Variants in MLLT10 observed in about 807,000 individuals in gnomAD.
MLLT10 encodes the protein MLLT10 histone lysine methyltransferase DOT1L cofactor, also known as protein AF-10.
A neutral mutation model predicts 129.1 loss-of-function variants in MLLT10; 30 were observed. The ratio of observed to expected loss-of-function variants is 0.23; its 90% CI spans 0.17 to 0.32. The LOEUF (loss-of-function observed/expected upper bound fraction) is 0.32, where lower values mean the gene tolerates loss of function less well. Ranked by LOEUF, MLLT10 falls within the 10% of genes least tolerant of loss-of-function variation. The pLI is 1.00. For synonymous variants in MLLT10, 490 were observed against 446.4 expected (o/e 1.10, Z -1.23); for missense variants, 1,119 against 1,268.3 (o/e 0.88, Z 1.79).
intron 8 of MLLT10, among the ~76,000 whole-genome samples, chr10:21,619,068 A>ACACACACACACACT (rs2045559669): frequency 7.0e-6 from 1 of 142,540 alleles, no homozygotes; most frequent in Admixed American, 7.2e-5. Context: ...ACACACACAC[A>ACACACACACACACT]CTTTTTTTAG....
chr10:21,664,320 GT>G (rs765181898), intron 9 of MLLT10, among the ~76,000 whole-genome samples: 40 of 136,148 alleles, frequency 2.9e-4, no homozygotes, highest in Admixed American at 5.1e-4. Context: ...TTGTTTGTTT[GT>G]TTTTTTTTTT....
intron 8 of MLLT10, among the ~76,000 whole-genome samples, chr10:21,639,670 C>G (rs1166364789): frequency 1.3e-5 from 2 of 151,946 alleles, no homozygotes; most frequent in Admixed American, 6.6e-5. Context: ...AAGGTATGAT[C>G]GAACACTAAT....
intron 2 of MLLT10, among the ~76,000 whole-genome samples, chr10:21,535,380 C>G (rs1325548691): frequency 2.6e-5 from 4 of 152,056 alleles, no homozygotes; most frequent in Non-Finnish European, 5.9e-5. Context: ...GGCTCGGGCC[C>G]TGCCGCCGCC....
chr10:21,594,716 T>A (rs1171684501), intron 4 of MLLT10, among the ~76,000 whole-genome samples: 1 of 146,368 alleles, frequency 6.8e-6, no homozygotes, highest in Non-Finnish European at 1.5e-5. Context: ...AGCTCTTTAA[T>A]ACCTTCAGTC....
chr10:21,735,001 A>G lies in MLLT10; in HGVS notation c.2859-138A>G, dbSNP rs536921666. 7.4e-5 allele frequency: 47 copies of G among 630,952 alleles called. 1 individual carries two copies. The East Asian group carries it at 1.1e-3, about 15-fold the overall frequency. 39.1% of individuals were successfully genotyped at this position (630,952 alleles called of 1,614,324 possible). A position where few individuals can be genotyped will look rare whatever the true frequency, so the allele number is the denominator to read the frequency against. On this transcript the variant is annotated intron_variant, in intron 20 of 22. Transcript: ENST00000307729. The stretch of plus-strand genomic sequence containing the variant: ...TACATATATATAGAAATTGTACATA[A>G]CTGTTTTCAGAGTGTTTGGATTCAG...
chr10:21,727,209 T>TA (rs2057583406), intron 15 of MLLT10, among the ~76,000 whole-genome samples: 3 of 152,322 alleles, frequency 2.0e-5, no homozygotes, highest in Admixed American at 1.3e-4. Flanking sequence ...TATAAGGAAC[T>TA]AACTGCAGGG....
At chr10:21,568,609 AC>A (rs2039854268) in intron 3 of MLLT10, among the ~76,000 whole-genome samples, 1 of 151,134 alleles carries the variant, frequency 6.6e-6, no homozygotes, top group African/African-American at 2.4e-5. Flanking sequence ...CTTTTTTTTT[AC>A]CCCTTGGTTA....
chr10:21,556,656 C>G, intron 3 of MLLT10: 1 of 1,610,462 alleles, frequency 6.2e-7, no homozygotes, highest in Non-Finnish European at 8.5e-7. Flanking sequence ...GTATGCAATT[C>G]CTGTTGGTTA....
chr10:21,717,683 C>CTCCTCT (rs1408414174), intron 14 of MLLT10, among the ~76,000 whole-genome samples: 25 of 112,708 alleles, frequency 2.2e-4, no homozygotes, highest in African/African-American at 8.3e-4. Context: ...CCTCTTCCTC[C>CTCCTCT]TCCTCCTCCT....
At chr10:21,557,394 C>T (rs930728081) in intron 3 of MLLT10, among the ~76,000 whole-genome samples, 5 of 152,144 alleles carry the variant, frequency 3.3e-5, no homozygotes, top group African/African-American at 7.2e-5. Flanking sequence ...ATCTCCCTTG[C>T]GTATCTGGTA....
At chr10:21,646,426 T>G (rs563964710) in intron 8 of MLLT10, among the ~76,000 whole-genome samples, 21 of 152,184 alleles carry the variant, frequency 1.4e-4, no homozygotes, top group Non-Finnish European at 3.1e-4. Flanking sequence ...TTTTTCCCCT[T>G]GCTCTTGATT....
At chr10:21,588,979 G>A (rs1447812996) in intron 4 of MLLT10, among the ~76,000 whole-genome samples, 1 of 151,620 alleles carries the variant, frequency 6.6e-6, no homozygotes, top group African/African-American at 2.4e-5. Context: ...ACACACCACC[G>A]CGCCCAGCTG....
chr10:21,664,221 TC>T (rs1181283563), intron 9 of MLLT10, among the ~76,000 whole-genome samples: 1 of 152,266 alleles, frequency 6.6e-6, no homozygotes, highest in African/African-American at 2.4e-5. Flanking sequence ...GTGTTATCAT[TC>T]CTTTTAAGTT....
At chr10:21,664,705 C>A (rs1217497422) in intron 9 of MLLT10, among the ~76,000 whole-genome samples, 1 of 151,840 alleles carries the variant, frequency 6.6e-6, no homozygotes, top group African/African-American at 2.4e-5. Flanking sequence ...TCGTTTTTTG[C>A]TTGTTTGTTC....
intron 13 of MLLT10, among the ~76,000 whole-genome samples, chr10:21,689,289 A>G (rs2053589636): frequency 6.6e-6 from 1 of 152,000 alleles, no homozygotes; most frequent in Admixed American, 6.6e-5. Flanking sequence ...AAAGGAAGAG[A>G]AATACATATA....
chr10:21,564,131 T>A (rs1258258770), intron 3 of MLLT10, among the ~76,000 whole-genome samples: 2 of 152,158 alleles, frequency 1.3e-5, no homozygotes, highest in East Asian at 3.9e-4. Flanking sequence ...TATTTTTTTT[T>A]GAGACAGGGT....
At chr10:21,613,201 A>G in intron 6 of MLLT10, among the ~76,000 whole-genome samples, 1 of 151,100 alleles carries the variant, frequency 6.6e-6, no homozygotes, top group South Asian at 2.1e-4. Flanking sequence ...TCAAAAAAAA[A>G]AAAAAAAAAA....
intron 6 of MLLT10, among the ~76,000 whole-genome samples, chr10:21,612,975 C>T (rs150655442): frequency 1.3e-3 from 195 of 152,150 alleles, no homozygotes; most frequent in African/African-American, 4.5e-3. Context: ...GGGTGGATCA[C>T]CTGAGGTCAG....
intron 13 of MLLT10, among the ~76,000 whole-genome samples, chr10:21,697,849 C>G (rs557849886): frequency 2.8e-4 from 42 of 152,274 alleles, no homozygotes; most frequent in Non-Finnish European, 7.4e-5. Context: ...AAAGGGAAGA[C>G]CGATTAACAA....
Sources: gnomAD v4.1 joint callset for allele counts (sites outside exome capture counted in the v4.1 genomes callset) on GRCh38, gnomAD v4.1.1 for gene constraint, MANE v1.5 for transcripts, NCBI Gene and HGNC (gene_info 2026-07-23, HGNC 2026-07-21) for gene names.